CPA6: variants seen among roughly 807,000 people sequenced by gnomAD.
CPA6 encodes carboxypeptidase A6, also known as carboxypeptidase B.
CPA6 carries 58 observed loss-of-function variants against 63.3 expected under a neutral mutation model. The observed-to-expected ratio is 0.92, with a 90% CI of 0.74 to 1.14. The LOEUF is 1.14. CPA6 is among the 50% of genes most tolerant of loss of function. The pLI is 0.00. For missense variants in CPA6, 565 were observed against 526.6 expected, an observed-to-expected ratio of 1.07 and a Z score of -0.71; for synonymous variants, 185 against 179.0, an observed-to-expected ratio of 1.03 and a Z score of -0.27.
At chr8:67,741,666 G>T (rs1404844648) in intron 1 of CPA6, among the ~76,000 whole-genome samples, 3 of 152,146 alleles carry the variant, frequency 2.0e-5, no homozygotes, top group Admixed American at 6.5e-5. Flanking sequence ...GATCTAGGTT[G>T]CATGTTCCTT....
intron 2 of CPA6, among the ~76,000 whole-genome samples, chr8:67,565,377 A>G (rs563978544): frequency 3.3e-5 from 5 of 152,304 alleles, no homozygotes; most frequent in Non-Finnish European, 5.9e-5. Flanking sequence ...AAAAAACCCC[A>G]TACAGATCTG....
intron 1 of CPA6, among the ~76,000 whole-genome samples, chr8:67,699,340 C>T (rs977229324): frequency 6.6e-5 from 10 of 151,696 alleles, no homozygotes; most frequent in African/African-American, 1.5e-4. Context: ...GGCCTGAACC[C>T]GGGAGGTGGA....
chr8:67,604,642 T>G (rs979931029), intron 2 of CPA6, among the ~76,000 whole-genome samples: 10 of 152,192 alleles, frequency 6.6e-5, no homozygotes, highest in African/African-American at 2.4e-4. Context: ...TCCAGAACAG[T>G]GCCTGGCACA....
intron 2 of CPA6, among the ~76,000 whole-genome samples, chr8:67,568,574 A>C (rs1409338528): frequency 6.6e-6 from 1 of 152,218 alleles, no homozygotes; most frequent in Non-Finnish European, 1.5e-5. Context: ...CTGAAGAATC[A>C]GTGAACTCAG....
intron 1 of CPA6, among the ~76,000 whole-genome samples, chr8:67,720,092 G>GT (rs1254734086): frequency 1.3e-5 from 2 of 151,888 alleles, no homozygotes. Flanking sequence ...GGGTGGGGCG[G>GT]TTTTACAGGA....
intron 1 of CPA6, among the ~76,000 whole-genome samples, chr8:67,741,426 C>G (rs531789034): frequency 1.3e-5 from 2 of 152,336 alleles, no homozygotes; most frequent in Admixed American, 1.3e-4. Flanking sequence ...TCATCCCACA[C>G]AGCAGGGGTC....
Position 67,698,202 on chromosome 8 carries a change from T to C in CPA6, c.116+47812A>G, listed in dbSNP as rs78717687. On this transcript the variant is annotated intron_variant, in intron 1 of 10. Coordinates refer to ENST00000297770, the MANE Select transcript of CPA6 (RefSeq NM_020361.5). ...TAGTAATGAAGAGCCTTCCCTCTTA[T>C]GTCTGTCCAGATGGGGGTTCTTATA... Among the ~76,000 whole-genome samples, 622 of 152,352 alleles carry C rather than the reference T, an allele frequency of 4.1e-3. 4 individuals carry two copies. The highest frequency in any genetic ancestry group is 0.013 in the African/African-American group (521 of 41,576).
At chr8:67,440,707 A>G (rs930391038) in intron 8 of CPA6, among the ~76,000 whole-genome samples, 10 of 152,244 alleles carry the variant, frequency 6.6e-5, no homozygotes, top group Non-Finnish European at 1.3e-4. Context: ...CCTATACAGT[A>G]TATCATTCTA....
At position 67,428,112 on chromosome 8, in the gene CPA6, G is replaced by A. The variant is rs1170326060; in HGVS notation, c.1061C>T (p.Ala354Val). Reference sequence around the variant, plus strand: ...GTATACTGACTGAAGTGCATTCACAGCTTTATAAGCTGCAGATTCCTATGA... The same window carrying A: ...GTATACTGACTGAAGTGCATTCACAACTTTATAAGCTGCAGATTCCTATGA... Reference protein sequence around the residue: ...FRCVESAAYKAVNALQSVYGV... With the variant: ...FRCVESAAYKVVNALQSVYGV... Residue 354 changes from alanine to valine, a missense_variant, in exon 10 of 11, where the codon GCT becomes GTT. Physicochemically the swap from Ala to Val is moderately conservative, Grantham distance 64. Transcript: ENST00000297770. 2 of 1,611,450 alleles carry A rather than the reference G, an allele frequency of 1.2e-6. No homozygotes were observed. Among genetic ancestry groups the A allele is most frequent in the Admixed American group, 3.3e-5 (2 of 59,916 alleles).
intron 2 of CPA6, chr8:67,569,891 T>A (rs1363868075): frequency 5.6e-6 from 1 of 178,448 alleles, no homozygotes; most frequent in African/African-American, 2.4e-5. Flanking sequence ...ACATGTAGCC[T>A]CTTCCAACTG....
chr8:67,567,157 A>G (rs1813357724), intron 2 of CPA6, among the ~76,000 whole-genome samples: 2 of 152,304 alleles, frequency 1.3e-5, no homozygotes, highest in Non-Finnish European at 2.9e-5. Flanking sequence ...TTAAATGTGT[A>G]TGATTATTCA....
chr8:67,536,626 A>G (rs1213649449), intron 2 of CPA6, among the ~76,000 whole-genome samples: 1 of 152,178 alleles, frequency 6.6e-6, no homozygotes, highest in Admixed American at 6.5e-5. Flanking sequence ...TAAATATGCA[A>G]TCATGTCATC....
chr8:67,451,041 G>A (rs776682860), intron 8 of CPA6, among the ~76,000 whole-genome samples: 285 of 152,242 alleles, frequency 1.9e-3, no homozygotes, highest in Non-Finnish European at 2.2e-3. Flanking sequence ...ACAGTTTCCC[G>A]TGACTTAGCA....
chr8:67,455,928 T>A (rs1433691198), intron 8 of CPA6, among the ~76,000 whole-genome samples: 1 of 152,074 alleles, frequency 6.6e-6, no homozygotes, highest in East Asian at 1.9e-4. Flanking sequence ...TTATCTGAGT[T>A]GATCTTGACC....
rs1810793481 is a variant in CPA6, at chr8:67,461,152, C to T, written c.838+22616G>A. Among the ~76,000 whole-genome samples the T allele has an allele frequency of 2.1e-5, 3 of 142,090 alleles. No homozygotes were observed. In the Admixed American group the frequency reaches 2.1e-4, roughly 10 times the overall value. The allele number at this position is 142,090 out of a possible 152,430, so 93.2% of individuals were successfully genotyped here. On this transcript the variant is annotated intron_variant, in intron 8 of 10. Transcript: ENST00000297770. ...CGTAGGACAATAGTGGAGGGAAGGT[C>T]GGCAGATAAACAAGTGAACAAAGGT...
intron 1 of CPA6, among the ~76,000 whole-genome samples, chr8:67,690,373 A>G (rs1251636395): frequency 6.6e-6 from 1 of 152,226 alleles, no homozygotes; most frequent in African/African-American, 2.4e-5. Flanking sequence ...TACTATTACA[A>G]ATTAGAAGTT....
chr8:67,447,291 C>T (rs1810447647), intron 8 of CPA6, among the ~76,000 whole-genome samples: 1 of 151,988 alleles, frequency 6.6e-6, no homozygotes. Context: ...AATTTAGTCT[C>T]CTGCCTGCCT....
In CPA6 at chr8:67,746,277, C is replaced by T. The variant is rs1339752256; in HGVS notation, c.-148G>A. 4 of 499,366 alleles carry T rather than the reference C, an allele frequency of 8.0e-6. No homozygotes were observed. Among genetic ancestry groups the T allele is most frequent in the Non-Finnish European group, 1.5e-5 (4 of 275,736 alleles). 30.9% of individuals were successfully genotyped at this position (499,366 alleles called of 1,614,324 possible). On this transcript the variant is annotated 5_prime_UTR_variant, in exon 1 of 11. Coordinates refer to ENST00000297770, the MANE Select transcript of CPA6 (RefSeq NM_020361.5). ...GTGAGCAAAATGTGACACTTCTCTC[C>T]AGCTACAAGGGAAAAAAAAAGTTCA...
chr8:67,507,170 T>A (rs546887654), intron 5 of CPA6, among the ~76,000 whole-genome samples: 1 of 152,128 alleles, frequency 6.6e-6, no homozygotes, highest in East Asian at 1.9e-4. Context: ...TTAATTTTAA[T>A]TAATTAATTA....
Sources: allele counts gnomAD v4.1 joint callset (sites outside exome capture counted in the v4.1 genomes callset), GRCh38; gene constraint gnomAD v4.1.1; transcripts MANE v1.5; gene names NCBI Gene and HGNC (gene_info 2026-07-23, HGNC 2026-07-21).